The following CCNY variants were observed in gnomAD, a reference collection of about 807,000 sequenced individuals.
CCNY encodes cyclin-Y.
In CCNY, 19 loss-of-function variants were observed where a neutral mutation model predicts 42.8. The observed-to-expected ratio is 0.44, with a 90% CI of 0.31 to 0.65. The LOEUF (loss-of-function observed/expected upper bound fraction) is 0.65. CCNY is among the 30% of genes least tolerant of loss of function. The probability of loss-of-function intolerance (pLI) is 0.07; values close to 1 mark genes in which losing one functional copy is unlikely to be tolerated. For missense variants in CCNY, 370 were observed against 437.3 expected, an observed-to-expected ratio of 0.85 and a Z score of 1.37; for synonymous variants, 165 against 162.7, an observed-to-expected ratio of 1.01 and a Z score of -0.11.
intron 1 of CCNY, among the ~76,000 whole-genome samples, chr10:35,437,641 G>A (rs984330831): frequency 1.3e-5 from 2 of 151,612 alleles, no homozygotes; most frequent in African/African-American, 4.8e-5. Context: ...TAGCCTGGGC[G>A]ACAGAGCCAG....
At chr10:35,305,971 G>C (rs1835601582) in intron 3 of CCNY, among the ~76,000 whole-genome samples, 2 of 152,164 alleles carry the variant, frequency 1.3e-5, no homozygotes, top group Non-Finnish European at 1.5e-5. Flanking sequence ...ATTTTCCAAA[G>C]TTAGTTTCCA....
intron 4 of CCNY, among the ~76,000 whole-genome samples, chr10:35,522,705 C>T (rs959856958): frequency 2.6e-5 from 4 of 152,182 alleles, no homozygotes; most frequent in Admixed American, 6.5e-5. Flanking sequence ...TAACAGCACC[C>T]GAAGGATGAT....
At chr10:35,448,278 AC>A (rs1033256985) in intron 1 of CCNY, among the ~76,000 whole-genome samples, 6 of 152,266 alleles carry the variant, frequency 3.9e-5, no homozygotes, top group African/African-American at 1.4e-4. Flanking sequence ...AACAAAGCAG[AC>A]CGGAGAGAAA....
At chr10:35,479,095 G>A (rs1839594064) in intron 1 of CCNY, among the ~76,000 whole-genome samples, 1 of 151,944 alleles carries the variant, frequency 6.6e-6, no homozygotes, top group Admixed American at 6.6e-5. Flanking sequence ...TCATTAAAAA[G>A]TCAGGAAACA....
intron 1 of CCNY, among the ~76,000 whole-genome samples, chr10:35,420,535 TGCAACTCA>T (rs753949695): frequency 2.0e-5 from 3 of 152,216 alleles, no homozygotes; most frequent in Admixed American, 6.5e-5. Context: ...AACATGTTTG[TGCAACTCA>T]GCAACTCAGC....
intron 1 of CCNY, among the ~76,000 whole-genome samples, chr10:35,406,789 C>G (rs974607146): frequency 3.3e-5 from 5 of 152,076 alleles, no homozygotes; most frequent in African/African-American, 1.2e-4. Flanking sequence ...GGGCTCCTCA[C>G]TTCCCAGTAG....
chr10:35,493,791 A>T (rs949329695), intron 2 of CCNY, among the ~76,000 whole-genome samples: 2 of 152,188 alleles, frequency 1.3e-5, no homozygotes, highest in African/African-American at 4.8e-5. Context: ...TAAATGCATA[A>T]TCCATCAAAG....
intron 3 of CCNY, among the ~76,000 whole-genome samples, chr10:35,292,595 A>G (rs1356560327): frequency 6.6e-6 from 1 of 152,006 alleles, no homozygotes; most frequent in Non-Finnish European, 1.5e-5. Flanking sequence ...TCCTGACCTC[A>G]GGTGATCCAC....
chr10:35,494,261 TAAAG>T (rs1255104112), intron 2 of CCNY, among the ~76,000 whole-genome samples: 57 of 106,830 alleles, frequency 5.3e-4, no homozygotes, highest in African/African-American at 1.5e-3. Context: ...TACAAAAAAA[TAAAG>T]ATTTTTTTTT....
At position 35,382,354 on chromosome 10, in the gene CCNY, G is replaced by A. The variant is rs555279157; in HGVS notation, c.154+45147G>A. ...TGCGACAGAGGCAAGAGCTCCTGCC[G>A]GCTCCTTTGCTTGGAGCATGCAAAG... On this transcript the variant is annotated intron_variant, in intron 1 of 9. Transcript: ENST00000374704. Among the ~76,000 whole-genome samples the A allele has an allele frequency of 3.3e-5, 5 of 152,308 alleles. No homozygotes were observed. In the East Asian group the frequency reaches 5.8e-4, roughly 18 times the overall value.
chr10:35,413,279 A>G (rs1166286441), intron 1 of CCNY, among the ~76,000 whole-genome samples: 2 of 152,094 alleles, frequency 1.3e-5, no homozygotes, highest in African/African-American at 4.8e-5. Flanking sequence ...GTGGTTGGAT[A>G]TGGGGAGTTT....
Position 35,501,538 on chromosome 10 carries a change from A to G in CCNY, c.264+3A>G. 1 of 1,612,214 alleles carries G rather than the reference A, an allele frequency of 6.2e-7. No individual in the cohort carries two copies. On this transcript the variant is annotated splice_donor_region_variant and intron_variant, in intron 3 of 9. Coordinates refer to ENST00000374704, the MANE Select transcript of CCNY (RefSeq NM_145012.6). ...GCAAGAGTCTCTTCATTAACCATGT[A>G]AGTGAAGCTGTCTCCCTGTGTTCTT...
intron 1 of CCNY, among the ~76,000 whole-genome samples, chr10:35,354,570 A>G (rs1017589260): frequency 6.6e-6 from 1 of 152,220 alleles, no homozygotes; most frequent in Non-Finnish European, 1.5e-5. Flanking sequence ...TTGAGGGGAC[A>G]GTATTATATT....
At chr10:35,313,781 T>C (rs1349537100) in intron 3 of CCNY, among the ~76,000 whole-genome samples, 1 of 152,082 alleles carries the variant, frequency 6.6e-6, no homozygotes, top group South Asian at 2.1e-4. Flanking sequence ...GAGACCAGCC[T>C]GGGCAACATG....
In CCNY at chr10:35,566,145, C is replaced by T. The variant is rs887606494; in HGVS notation, c.869C>T (p.Pro290Leu). 12 of 1,614,146 alleles carry T rather than the reference C, an allele frequency of 7.4e-6. No homozygotes were observed. Among genetic ancestry groups the T allele is most frequent in the Non-Finnish European group, 6.8e-6 (8 of 1,180,026 alleles). ...GCAGAAGCGAACAACCTGAGCTTTC[C>T]CTTGGAGCCCCTGAGCAGGGAGAGG... ...SLAEANNLSF[P>L]LEPLSRERAH... is the part of the protein sequence containing the mutation. Residue 290 changes from proline (P) to leucine (L), a missense_variant, in exon 9 of 10, where the codon CCC (proline) becomes CTC (leucine). Coordinates refer to ENST00000374704, the MANE Select transcript of CCNY (RefSeq NM_145012.6).
At chr10:35,492,931 T>C (rs1839929231) in intron 2 of CCNY, among the ~76,000 whole-genome samples, 1 of 152,166 alleles carries the variant, frequency 6.6e-6, no homozygotes, top group Non-Finnish European at 1.5e-5. Flanking sequence ...GAACTCAGCA[T>C]GACCGTGCCA....
At chr10:35,376,802 CCACATATATTACGATTTCA>C (rs2135185052) in intron 1 of CCNY, among the ~76,000 whole-genome samples, 1 of 152,238 alleles carries the variant, frequency 6.6e-6, no homozygotes, top group South Asian at 2.1e-4. Flanking sequence ...TCATAAAAAG[CCACATATATTACGATTTCA>C]CGTATATGAA....
chr10:35,501,503 A>G lies in CCNY; in HGVS notation c.232A>G (p.Arg78Gly), dbSNP rs759319155. ...TGTTGCATCTTTTGTTTTCACAGTG[A>G]GAGAAAAACGCAAGAGTCTCTTCAT... ...IFLSKSQTDV[R>G]EKRKSLFINH... Residue 78 changes from arginine to glycine, a missense_variant and splice_region_variant, in exon 3 of 10, where the codon AGA becomes GGA. Arg to Gly is a moderately radical substitution (Grantham distance 125). Around this residue, in one of 2 missense-constraint regions of CCNY, gnomAD observed 136 missense variants for 124.2 expected, o/e 1.09. Transcript: ENST00000374704. 6.2e-7 allele frequency: 1 copy of G among 1,613,770 alleles called. No individual in the cohort carries two copies. Among genetic ancestry groups the G allele is most frequent in the South Asian group, 1.1e-5 (1 of 91,068 alleles).
At chr10:35,436,770 T>A (rs1838542980) in intron 1 of CCNY, among the ~76,000 whole-genome samples, 1 of 152,262 alleles carries the variant, frequency 6.6e-6, no homozygotes, top group Non-Finnish European at 1.5e-5. Flanking sequence ...AATGAGTTAA[T>A]TTTTTCCTGT....
Sources: gnomAD v4.1 joint callset for allele counts (sites outside exome capture counted in the v4.1 genomes callset) on GRCh38, gnomAD v4.1.1 for gene constraint, gnomAD v4.1.1 regional missense constraint, MANE v1.5 for transcripts, NCBI Gene and HGNC (gene_info 2026-07-23, HGNC 2026-07-21) for gene names.